The following NDST4 variants were observed in gnomAD, a reference collection of about 807,000 sequenced individuals.
NDST4 encodes N-heparan sulfate sulfotransferase 4.
A neutral mutation model predicts 100.8 loss-of-function variants in NDST4; 63 were observed. The ratio of observed to expected loss-of-function variants is 0.62; its 90% confidence interval spans 0.51 to 0.77. The LOEUF is 0.77. Ranked by LOEUF, NDST4 falls within the 30% of genes least tolerant of loss-of-function variation. NDST4 has a pLI of 0.00. For synonymous variants in NDST4, 377 were observed against 361.8 expected, an observed-to-expected ratio of 1.04 and a Z score of -0.48; for missense variants, 943 against 1,018.4, an observed-to-expected ratio of 0.93 and a Z score of 1.01.
At chr4:115,083,877 A>G (rs1347156338) in intron 1 of NDST4, among the ~76,000 whole-genome samples, 1 of 152,122 alleles carries the variant, frequency 6.6e-6, no homozygotes, top group Non-Finnish European at 1.5e-5. Context: ...TCTTTTCTTT[A>G]TAAATAACCC....
At chr4:114,908,295 T>G (rs1018713970) in intron 6 of NDST4, among the ~76,000 whole-genome samples, 3 of 152,182 alleles carry the variant, frequency 2.0e-5, no homozygotes, top group Non-Finnish European at 4.4e-5. Flanking sequence ...AAATGTTACT[T>G]GTGGCAGGAG....
intron 4 of NDST4, among the ~76,000 whole-genome samples, chr4:114,947,188 C>G (rs775185762): frequency 1.3e-4 from 20 of 152,044 alleles, no homozygotes; most frequent in Non-Finnish European, 1.8e-4. Context: ...TGGTCCAAGA[C>G]AAATTTAGTT....
intron 2 of NDST4, among the ~76,000 whole-genome samples, chr4:115,037,773 T>G: frequency 6.6e-6 from 1 of 152,156 alleles, no homozygotes; most frequent in East Asian, 1.9e-4. Flanking sequence ...TCAGTCATAG[T>G]CAGCAGTATT....
intron 6 of NDST4, among the ~76,000 whole-genome samples, chr4:114,927,347 C>T (rs1025121763): frequency 4.6e-5 from 7 of 152,028 alleles, no homozygotes; most frequent in South Asian, 2.1e-4. Flanking sequence ...TAATAGATTT[C>T]GCATTTCTAC....
chr4:114,977,195 T>C lies in NDST4; in HGVS notation c.1058A>G (p.Tyr353Cys), dbSNP rs1024214574. 6 of 1,604,822 alleles carry C rather than the reference T, an allele frequency of 3.7e-6. No homozygotes were observed. The highest frequency in any genetic ancestry group is 3.3e-5 in the South Asian group (3 of 90,078). The change falls in exon 3 of 14, where the codon TAC becomes TGC. Residue 353 changes from tyrosine to cysteine, a missense_variant. By Grantham distance (194) the Tyr-to-Cys change is radical. Transcript: ENST00000264363. Reference sequence around the variant, plus strand: ...ACAAAGCTCCTTCTTACCTGTGTGGTAAAACTTCCCTGAAAATCCAAGGTT... The same window carrying C: ...ACAAAGCTCCTTCTTACCTGTGTGGCAAAACTTCCCTGAAAATCCAAGGTT... ...TFNLGFSGKF[Y>C]HTGTEEEDEG...
chr4:115,083,053 T>C (rs866515108), intron 1 of NDST4, among the ~76,000 whole-genome samples: 2 of 152,188 alleles, frequency 1.3e-5, no homozygotes, highest in Non-Finnish European at 1.5e-5. Flanking sequence ...ACTATTTTAT[T>C]ATATACCTTG....
chr4:115,017,536 C>T (rs2126263324), intron 2 of NDST4, among the ~76,000 whole-genome samples: 2 of 152,130 alleles, frequency 1.3e-5, no homozygotes, highest in East Asian at 3.9e-4. Context: ...TCTTCTGCCA[C>T]CTGGCAGGAG....
chr4:115,087,126 A>C (rs546591432), intron 1 of NDST4, among the ~76,000 whole-genome samples: 1 of 152,036 alleles, frequency 6.6e-6, no homozygotes, highest in Non-Finnish European at 1.5e-5. Context: ...AGGGTTTCTG[A>C]CATTCAGAAA....
At chr4:114,941,126 A>G (rs906830782) in intron 4 of NDST4, among the ~76,000 whole-genome samples, 1 of 152,200 alleles carries the variant, frequency 6.6e-6, no homozygotes, top group Non-Finnish European at 1.5e-5. Flanking sequence ...ATATTTATGA[A>G]GTATTTTTAC....
At chr4:114,854,707 A>C (rs1204923150) in intron 7 of NDST4, among the ~76,000 whole-genome samples, 1 of 152,086 alleles carries the variant, frequency 6.6e-6, no homozygotes, top group African/African-American at 2.4e-5. Context: ...TGACCTCATG[A>C]TCTGTCCACC....
Position 115,076,604 on chromosome 4 carries a change from A to G in NDST4, c.433T>C (p.Trp145Arg), listed in dbSNP as rs773999995. ...NILKYVSMDS[W>R]NRELLEKYCV... Reference sequence around the variant, plus strand: ...TATTTTTCTAAAAGCTCTCGATTCCATGAGTCCATGCTGACATACTTCAGA... The same window carrying G: ...TATTTTTCTAAAAGCTCTCGATTCCGTGAGTCCATGCTGACATACTTCAGA... The change falls in exon 2 of 14, where the codon TGG becomes CGG. Residue 145 changes from tryptophan to arginine, a missense_variant. Trp to Arg is a moderately radical substitution (Grantham distance 101). Around this residue, in one of 2 missense-constraint regions of NDST4, gnomAD observed 417 missense variants for 384.2 expected, o/e 1.09. Coordinates refer to ENST00000264363, the MANE Select transcript of NDST4 (RefSeq NM_022569.3). The G allele has an allele frequency of 1.2e-6, 2 of 1,613,940 alleles. No homozygotes were observed. Among genetic ancestry groups the G allele is most frequent in the Non-Finnish European group, 1.7e-6 (2 of 1,179,920 alleles).
chr4:115,003,794 G>A (rs1283422182), intron 2 of NDST4, among the ~76,000 whole-genome samples: 1 of 151,966 alleles, frequency 6.6e-6, no homozygotes, highest in Non-Finnish European at 1.5e-5. Flanking sequence ...CTTGAACCCG[G>A]GAGGTGGAGG....
intron 2 of NDST4, among the ~76,000 whole-genome samples, chr4:115,022,389 C>CAT (rs766941185): frequency 0.079 from 973 of 12,300 alleles, 25 homozygotes; most frequent in Admixed American, 0.11. Context: ...ATATGTGTTC[C>CAT]ATATATATGT....
At chr4:114,994,981 T>C (rs1727128708) in intron 2 of NDST4, among the ~76,000 whole-genome samples, 1 of 152,006 alleles carries the variant, frequency 6.6e-6, no homozygotes, top group African/African-American at 2.4e-5. Flanking sequence ...AAGTCTGAAA[T>C]TTTATCTGAT....
chr4:114,974,948 T>G (rs1284338600), intron 3 of NDST4, among the ~76,000 whole-genome samples: 1 of 152,128 alleles, frequency 6.6e-6, no homozygotes, highest in East Asian at 1.9e-4. Context: ...ATCAGATCAT[T>G]CTGGGAGAGA....
intron 2 of NDST4, among the ~76,000 whole-genome samples, chr4:115,016,909 C>G (rs1031196436): frequency 6.6e-6 from 1 of 151,862 alleles, no homozygotes; most frequent in Non-Finnish European, 1.5e-5. Flanking sequence ...GTGATAAATA[C>G]CAGCTATGAC....
rs1458604844 is a variant in NDST4 at position 114,993,615 on chromosome 4, A to T, written c.979-16341T>A. 3.3e-5 allele frequency among the ~76,000 whole-genome samples: 5 copies of T among 152,074 alleles called. No homozygotes were observed. In the South Asian group the frequency reaches 8.3e-4, roughly 25 times the overall value. On this transcript the variant is annotated intron_variant, in intron 2 of 13. Coordinates refer to ENST00000264363, the MANE Select transcript of NDST4 (RefSeq NM_022569.3). ...TAGAAATACATGTAAAATACTTAAA[A>T]ATATCTTAGCCTCTGTTTTAAAAAC...
At chr4:114,904,674 CA>C (rs1724913266) in intron 6 of NDST4, among the ~76,000 whole-genome samples, 1 of 151,470 alleles carries the variant, frequency 6.6e-6, no homozygotes, top group African/African-American at 2.4e-5. Flanking sequence ...AAATATTTGA[CA>C]GAAAGAATGT....
In NDST4 at chr4:114,970,589, A is replaced by G; in HGVS notation, c.1067-5T>C. The G allele has an allele frequency of 1.2e-6, 2 of 1,604,110 alleles. No homozygotes were observed. Among genetic ancestry groups the G allele is most frequent in the Non-Finnish European group, 1.7e-6 (2 of 1,174,960 alleles). The stretch of plus-strand genomic sequence containing the variant: ...CTTCATCTTCCTCTTCAGTCCCTTT[A>G]AAACATAAAGTTAAAAATAACTTTA... On this transcript the variant is annotated splice_region_variant and splice_polypyrimidine_tract_variant and intron_variant, in intron 3 of 13. Coordinates refer to ENST00000264363, the MANE Select transcript of NDST4 (RefSeq NM_022569.3).
Sources: allele counts gnomAD v4.1 joint callset (sites outside exome capture counted in the v4.1 genomes callset), GRCh38; gene constraint gnomAD v4.1.1; regional missense constraint gnomAD v4.1.1; transcripts MANE v1.5; gene names NCBI Gene and HGNC (gene_info 2026-07-23, HGNC 2026-07-21).